CTNNA1: variants seen among roughly 807,000 people sequenced by gnomAD.
CTNNA1 encodes catenin alpha-1.
Under a neutral mutation model 98.4 loss-of-function variants are expected in CTNNA1, and 37 were observed. The ratio of observed to expected loss-of-function variants is 0.38; its 90% CI spans 0.29 to 0.49. The LOEUF (loss-of-function observed/expected upper bound fraction) is 0.49, where lower values mean the gene tolerates loss of function less well. Among genes scored for constraint, CTNNA1 ranks in the 20% least tolerant of loss-of-function variants. CTNNA1 has a pLI of 0.95. For synonymous variants in CTNNA1, 404 were observed against 413.2 expected, an observed-to-expected ratio of 0.98 and a Z score of 0.27; for missense variants, 761 against 1,147.2, an observed-to-expected ratio of 0.66 and a Z score of 4.86.
intron 10 of CTNNA1, among the ~76,000 whole-genome samples, chr5:138,911,577 C>T (rs578032989): frequency 2.6e-5 from 4 of 152,170 alleles, no homozygotes; most frequent in African/African-American, 7.2e-5. Flanking sequence ...TGTGGGCAGC[C>T]TCAGGAATTT....
chr5:138,774,428 C>T (rs1753866081), intron 1 of CTNNA1, among the ~76,000 whole-genome samples: 1 of 152,092 alleles, frequency 6.6e-6, no homozygotes, highest in African/African-American at 2.4e-5. Context: ...GCATCCCTGG[C>T]CTCTCTTGAA....
At chr5:138,818,335 G>A (rs548217287) in intron 5 of CTNNA1, among the ~76,000 whole-genome samples, 5 of 151,284 alleles carry the variant, frequency 3.3e-5, no homozygotes, top group Admixed American at 6.6e-5. Flanking sequence ...GGCTGGTCCC[G>A]AACTCCTGGG....
At chr5:138,765,032 C>T (rs1752777121) in intron 1 of CTNNA1, among the ~76,000 whole-genome samples, 1 of 151,750 alleles carries the variant, frequency 6.6e-6, no homozygotes, top group East Asian at 1.9e-4. Context: ...TGCCACCATG[C>T]CCAGCTTGTT....
At chr5:138,760,303 TC>T (rs1430559977) in intron 1 of CTNNA1, among the ~76,000 whole-genome samples, 2 of 151,758 alleles carry the variant, frequency 1.3e-5, no homozygotes, top group African/African-American at 4.8e-5. Flanking sequence ...CGGATTTCTT[TC>T]CTTTTAAAGG....
intron 7 of CTNNA1, among the ~76,000 whole-genome samples, chr5:138,841,177 T>C (rs902397146): frequency 6.6e-6 from 1 of 152,254 alleles, no homozygotes; most frequent in African/African-American, 2.4e-5. Flanking sequence ...TGTTCATATC[T>C]GATGACTGCT....
chr5:138,918,461 CT>C (rs1176942703), intron 11 of CTNNA1, among the ~76,000 whole-genome samples: 5 of 152,156 alleles, frequency 3.3e-5, no homozygotes, highest in Non-Finnish European at 7.4e-5. Context: ...TTTCCAAAGA[CT>C]TTCTGTCTGC....
At chr5:138,787,334 C>T (rs776231792) in intron 3 of CTNNA1, among the ~76,000 whole-genome samples, 4 of 151,982 alleles carry the variant, frequency 2.6e-5, no homozygotes, top group Admixed American at 1.3e-4. Context: ...AGGAGAATGG[C>T]GTGAACCTGG....
At chr5:138,867,469 G>GT (rs1764894986) in intron 7 of CTNNA1, among the ~76,000 whole-genome samples, 1 of 152,216 alleles carries the variant, frequency 6.6e-6, no homozygotes, top group Non-Finnish European at 1.5e-5. Flanking sequence ...TCCTGAGGAT[G>GT]TTTATCTGTA....
chr5:138,893,456 G>A (rs1755962544), intron 9 of CTNNA1, among the ~76,000 whole-genome samples: 1 of 151,940 alleles, frequency 6.6e-6, no homozygotes, highest in Non-Finnish European at 1.5e-5. Context: ...TCCATCTCAT[G>A]TTCTGTCCTA....
At position 138,924,544 on chromosome 5, in the gene CTNNA1, C is replaced by A; in HGVS notation, c.1581C>A (p.Val527=). The A allele has an allele frequency of 6.2e-7, 1 of 1,614,140 alleles. No homozygotes were observed. The highest frequency in any genetic ancestry group is 1.1e-5 in the South Asian group (1 of 91,052). The change falls in exon 12 of 18, where the codon GTC becomes GTA. Residue 527 remains valine, a synonymous_variant. Coordinates refer to ENST00000302763, the MANE Select transcript of CTNNA1 (RefSeq NM_001903.5). Reference sequence around the variant, plus strand: ...TTTTGGAAGATGTGAACAAATGTGTCATTGCTCTCCAAGAGAAGGATGTGG... The same window carrying A: ...TTTTGGAAGATGTGAACAAATGTGTAATTGCTCTCCAAGAGAAGGATGTGG... ...NHILEDVNKC[V]IALQEKDVDG...
chr5:138,844,311 T>C (rs1762521879), intron 7 of CTNNA1, among the ~76,000 whole-genome samples: 2 of 152,208 alleles, frequency 1.3e-5, no homozygotes, highest in South Asian at 4.1e-4. Flanking sequence ...GTCATATTTT[T>C]AAAGTTCTGT....
At chr5:138,827,847 G>A (rs1429809745) in intron 7 of CTNNA1, 129 bp downstream of exon 7, 1 of 1,141,852 alleles carries the variant, frequency 8.8e-7, no homozygotes, top group East Asian at 2.6e-5. Flanking sequence ...TTGGGAGTAG[G>A]TCAGATTTTT....
At chr5:138,933,008 C>CT (rs1561781759) in intron 17 of CTNNA1, 4 of 764,702 alleles carry the variant, frequency 5.2e-6, no homozygotes, top group Non-Finnish European at 9.6e-6. Flanking sequence ...TGGCAGGTAC[C>CT]TGTAAGTCCC....
intron 9 of CTNNA1, among the ~76,000 whole-genome samples, chr5:138,888,865 T>A (rs2150041661): frequency 6.6e-6 from 1 of 152,284 alleles, no homozygotes; most frequent in South Asian, 2.1e-4. Context: ...CATAAAAATT[T>A]TCCGAGGAAG....
intron 10 of CTNNA1, among the ~76,000 whole-genome samples, chr5:138,914,432 G>A (rs977812833): frequency 3.3e-5 from 5 of 152,220 alleles, no homozygotes; most frequent in Non-Finnish European, 7.3e-5. Context: ...GGAGACCACA[G>A]CATAACGTGA....
intron 9 of CTNNA1, among the ~76,000 whole-genome samples, chr5:138,893,519 G>T (rs953561637): frequency 1.1e-4 from 16 of 151,732 alleles, no homozygotes; most frequent in Admixed American, 2.0e-4. Flanking sequence ...CCTTCCATTT[G>T]TGTCCTTTCT....
intron 3 of CTNNA1, among the ~76,000 whole-genome samples, chr5:138,798,548 A>G (rs569109772): frequency 1.3e-5 from 2 of 152,302 alleles, no homozygotes; most frequent in East Asian, 3.9e-4. Flanking sequence ...CCGTAACTTT[A>G]TAAAGTTTGG....
intron 10 of CTNNA1, among the ~76,000 whole-genome samples, chr5:138,906,152 A>G (rs979114855): frequency 1.3e-5 from 2 of 152,172 alleles, no homozygotes; most frequent in Non-Finnish European, 2.9e-5. Flanking sequence ...ACACCTAACC[A>G]TGTGGATTAA....
intron 1 of CTNNA1, among the ~76,000 whole-genome samples, chr5:138,757,886 A>C (rs1188321461): frequency 6.6e-6 from 1 of 152,178 alleles, no homozygotes; most frequent in Non-Finnish European, 1.5e-5. Context: ...TCCAATAACA[A>C]ATTTGGGCAA....
Sources: allele counts gnomAD v4.1 joint callset (sites outside exome capture counted in the v4.1 genomes callset), GRCh38; gene constraint gnomAD v4.1.1; transcripts MANE v1.5; gene names NCBI Gene and HGNC (gene_info 2026-07-23, HGNC 2026-07-21).